The following GPCPD1 variants were observed in gnomAD, a reference collection of about 807,000 sequenced individuals.
The protein encoded by GPCPD1 is glycerophosphocholine phosphodiesterase 1.
GPCPD1 carries 29 observed loss-of-function variants against 89.2 expected under a neutral mutation model. That is an observed-to-expected ratio of 0.33 (90% CI 0.24 to 0.44). The LOEUF (loss-of-function observed/expected upper bound fraction) is 0.44. GPCPD1 is among the 20% of genes least tolerant of loss of function. GPCPD1 has a pLI of 1.00. For missense variants in GPCPD1, 594 were observed against 808.9 expected (o/e 0.73, Z 3.22); for synonymous variants, 258 against 266.3 (o/e 0.97, Z 0.30).
chr20:5,564,673 A>T (rs188620965), intron 15 of GPCPD1, among the ~76,000 whole-genome samples: 3 of 152,198 alleles, frequency 2.0e-5, no homozygotes, highest in South Asian at 4.2e-4. Context: ...CCATCTCTAC[A>T]AAAAAATAAA....
chr20:5,573,782 A>G (rs1986854184), intron 11 of GPCPD1, 133 bp downstream of exon 11: 2 of 744,142 alleles, frequency 2.7e-6, no homozygotes, highest in Non-Finnish European at 4.8e-6. Context: ...TATTGTCTTC[A>G]TTCCGATCTT....
chr20:5,554,581 T>G (rs1425388863), intron 19 of GPCPD1, among the ~76,000 whole-genome samples: 5 of 152,208 alleles, frequency 3.3e-5, no homozygotes, highest in African/African-American at 9.7e-5. Context: ...CTGAATATTT[T>G]AAGCCCATAG....
At chr20:5,605,564 A>G (rs950033958) in intron 1 of GPCPD1, among the ~76,000 whole-genome samples, 2 of 152,148 alleles carry the variant, frequency 1.3e-5, no homozygotes, top group Non-Finnish European at 2.9e-5. Context: ...AGATCACTTG[A>G]GGTCAGGAGT....
chr20:5,551,374 C>T (rs1450488500), intron 19 of GPCPD1, among the ~76,000 whole-genome samples: 1 of 152,046 alleles, frequency 6.6e-6, no homozygotes, highest in African/African-American at 2.4e-5. Flanking sequence ...ACTGGGTTGC[C>T]GCATAAAATA....
chr20:5,588,837 GA>G (rs528769967), intron 4 of GPCPD1, among the ~76,000 whole-genome samples: 32 of 142,214 alleles, frequency 2.3e-4, no homozygotes, highest in African/African-American at 6.7e-4. Flanking sequence ...AAAAGAAAAA[GA>G]AAAAAAAAAG....
intron 4 of GPCPD1, among the ~76,000 whole-genome samples, chr20:5,588,755 G>C (rs1022821379): frequency 6.6e-6 from 1 of 152,094 alleles, no homozygotes; most frequent in East Asian, 1.9e-4. Context: ...AATCTGGGAG[G>C]CGGAGGCTGC....
intron 10 of GPCPD1, 93 bp from the exon 11 acceptor site, chr20:5,574,062 T>C (rs1172742294): frequency 7.6e-6 from 6 of 786,538 alleles, no homozygotes; most frequent in African/African-American, 6.9e-5. Flanking sequence ...CAATGGGAAA[T>C]GGTACTTATT....
At position 5,547,455 on chromosome 20, in the gene GPCPD1, C is replaced by T. The variant is rs1985088681; in HGVS notation, c.*206G>A. 2.9e-6 allele frequency: 1 copy of T among 343,982 alleles called. No individual in the cohort carries two copies. The highest frequency in any genetic ancestry group is 2.1e-5 in the African/African-American group (1 of 47,366). 21.3% of individuals were successfully genotyped at this position (343,982 alleles called of 1,614,324 possible). A position where few individuals can be genotyped will look rare whatever the true frequency, so the allele number is the denominator to read the frequency against. ...TATTACTAACCAATAAATTTTCTCA[C>T]TATAAAGAGACTGACTGGCAATTAT... On this transcript the variant is annotated 3_prime_UTR_variant, in exon 20 of 20. Transcript: ENST00000379019.
chr20:5,579,411 G>A (rs1007912635), intron 7 of GPCPD1, among the ~76,000 whole-genome samples: 2 of 151,098 alleles, frequency 1.3e-5, no homozygotes, highest in Admixed American at 6.6e-5. Flanking sequence ...GCAGTGGTGC[G>A]ATCTCGGCTC....
intron 6 of GPCPD1, 97 bp downstream of exon 6, chr20:5,584,184 G>C: frequency 1.5e-6 from 1 of 669,552 alleles, no homozygotes; most frequent in Admixed American, 2.4e-5. Flanking sequence ...GCACATGACT[G>C]TATGTTCTAT....
At chr20:5,603,273 AC>A (rs1200779136) in intron 2 of GPCPD1, among the ~76,000 whole-genome samples, 3 of 152,182 alleles carry the variant, frequency 2.0e-5, no homozygotes, top group African/African-American at 7.2e-5. Flanking sequence ...AGCCTGGGCG[AC>A]AGAGCAACAC....
intron 1 of GPCPD1, among the ~76,000 whole-genome samples, chr20:5,609,125 G>C (rs1980785598): frequency 6.6e-6 from 1 of 152,190 alleles, no homozygotes; most frequent in Non-Finnish European, 1.5e-5. Context: ...GATATTTTTA[G>C]CTAAAGTGTT....
chr20:5,594,956 T>C (rs1249905881), intron 3 of GPCPD1, among the ~76,000 whole-genome samples: 2 of 152,196 alleles, frequency 1.3e-5, no homozygotes, highest in Non-Finnish European at 2.9e-5. Flanking sequence ...GTTATGGTGA[T>C]TGCATGCTAC....
chr20:5,593,449 T>C (rs888034182), intron 3 of GPCPD1, 38 bp from the exon 4 acceptor site: 5 of 1,061,104 alleles, frequency 4.7e-6, no homozygotes, highest in Admixed American at 3.5e-5. Context: ...AGCATCAATA[T>C]CAAACTACAG....
chr20:5,567,260 C>T (rs1299909603), intron 13 of GPCPD1, among the ~76,000 whole-genome samples: 1 of 152,074 alleles, frequency 6.6e-6, no homozygotes, highest in Non-Finnish European at 1.5e-5. Context: ...CTAGTTCGTT[C>T]CTTCATAAAT....
intron 4 of GPCPD1, among the ~76,000 whole-genome samples, chr20:5,589,402 G>A (rs1410267188): frequency 4.6e-5 from 7 of 152,022 alleles, no homozygotes; most frequent in Non-Finnish European, 8.8e-5. Flanking sequence ...ACCTGAGGTC[G>A]GGAGTTAGAG....
chr20:5,579,880 G>A (rs988312281), intron 7 of GPCPD1, 128 bp downstream of exon 7: 5 of 582,708 alleles, frequency 8.6e-6, no homozygotes, highest in Non-Finnish European at 1.5e-5. Flanking sequence ...CTATTACAAA[G>A]CCCTGTAGTT....
At position 5,578,461 on chromosome 20, in the gene GPCPD1, G is replaced by A; in HGVS notation, c.624C>T (p.Gly208=). ...CRHSQPECGY[G]LQPDRWTEYS... Reference sequence around the variant, plus strand: ...ACTCTGTCCAACGATCAGGCTGCAAGCCATAACCACACTCCGGCTGTGAAT... The same window carrying A: ...ACTCTGTCCAACGATCAGGCTGCAAACCATAACCACACTCCGGCTGTGAAT... The change falls in exon 8 of 20, where the codon GGC becomes GGT. Residue 208 remains glycine, a synonymous_variant. Coordinates refer to ENST00000379019, the MANE Select transcript of GPCPD1 (RefSeq NM_019593.5). 1.9e-6 allele frequency: 3 copies of A among 1,613,986 alleles called. No homozygotes were observed. The highest frequency in any genetic ancestry group is 2.5e-6 in the Non-Finnish European group (3 of 1,179,818).
intron 14 of GPCPD1, 149 bp from the exon 15 acceptor site, chr20:5,565,227 C>T (rs1986326843): frequency 3.5e-5 from 17 of 486,260 alleles, no homozygotes; most frequent in South Asian, 5.1e-5. Context: ...TCTGAGATCC[C>T]TTTTTTTTTT....
Sources: gnomAD v4.1 joint callset for allele counts (sites outside exome capture counted in the v4.1 genomes callset) on GRCh38, gnomAD v4.1.1 for gene constraint, MANE v1.5 for transcripts, NCBI Gene and HGNC (gene_info 2026-07-23, HGNC 2026-07-21) for gene names.